ANK1: variants seen among roughly 807,000 people sequenced by gnomAD.
ANK1 encodes the protein ankyrin 1, also known as ankyrin-1.
A neutral mutation model predicts 210.4 loss-of-function variants in ANK1; 51 were observed. That is an observed-to-expected ratio of 0.24 (90% CI 0.19 to 0.31). ANK1 has a LOEUF of 0.31. ANK1 is among the 10% of genes least tolerant of loss of function. ANK1 has a pLI of 1.00. For synonymous variants in ANK1, 967 were observed against 1,025.9 expected, an observed-to-expected ratio of 0.94 and a Z score of 1.10; for missense variants, 2,051 against 2,504.4, an observed-to-expected ratio of 0.82 and a Z score of 3.86.
In ANK1 at chr8:41,672,600, G is replaced by A; in HGVS notation, c.4850C>T (p.Ser1617Phe). Residue 1617 changes from serine to phenylalanine, a missense_variant, in exon 38 of 43, where the codon TCT becomes TTT. By Grantham distance (155) the Ser-to-Phe change is radical. Transcript: ENST00000289734. ...SEEPRGPELGSLELVEDDTVD... is the reference protein window; with the variant it reads ...SEEPRGPELGFLELVEDDTVD... ...TGTGTCGTCCTCCACAAGTTCCAGAGAGCCCAACTCGGGGCCCCGCGGTTC... is the reference window on the plus strand; with the variant it reads ...TGTGTCGTCCTCCACAAGTTCCAGAAAGCCCAACTCGGGGCCCCGCGGTTC... The A allele has an allele frequency of 1.2e-6, 2 of 1,614,218 alleles. No individual in the cohort carries two copies.
At chr8:41,679,811 A>T (rs906615022) in intron 37 of ANK1, among the ~76,000 whole-genome samples, 2 of 151,164 alleles carry the variant, frequency 1.3e-5, no homozygotes, top group Non-Finnish European at 2.9e-5. Context: ...TGATCCGCCC[A>T]CCTCGGCCTC....
Position 41,691,761 on chromosome 8 carries a change from T to A in ANK1, c.3858+887A>T, listed in dbSNP as rs115231926. 2.2e-3 allele frequency among the ~76,000 whole-genome samples: 332 copies of A among 152,344 alleles called. 2 individuals carry two copies. The highest frequency in any genetic ancestry group is 0.011 in the South Asian group (55 of 4,826). ...AGCTGTGTGACCATTGGCAAGTTAC[T>A]TAACCTCTCAGCCTCAGTTTCTTAA... On this transcript the variant is annotated intron_variant, in intron 31 of 42. Transcript: ENST00000289734.
At chr8:41,718,407 C>T (rs989302146) in intron 10 of ANK1, among the ~76,000 whole-genome samples, 5 of 152,212 alleles carry the variant, frequency 3.3e-5, no homozygotes, top group African/African-American at 9.6e-5. Context: ...AGGTGGCTCT[C>T]ACTTGATGCA....
Position 41,758,053 on chromosome 8 carries a change from T to C in ANK1, c.112A>G (p.Ile38Val), listed in dbSNP as rs780584867. Reference protein sequence around the residue: ...ALDHLRNGVDINTCNQNGLNG... With the variant: ...ALDHLRNGVDVNTCNQNGLNG... ...CCACTTACCTGGTTACAGGTGTTAATATCTACCCCATTCCGCAGGTGATCC... is the reference window on the plus strand; with the variant it reads ...CCACTTACCTGGTTACAGGTGTTAACATCTACCCCATTCCGCAGGTGATCC... Residue 38 changes from isoleucine to valine, a missense_variant, in exon 2 of 43, where the codon ATT (isoleucine) becomes GTT (valine). Ile to Val is a conservative substitution (Grantham distance 29, BLOSUM62 3). Coordinates refer to ENST00000289734, the MANE Select transcript of ANK1 (RefSeq NM_000037.4). 3 of 1,614,196 alleles carry C rather than the reference T, an allele frequency of 1.9e-6. No individual in the cohort carries two copies. Among genetic ancestry groups the C allele is most frequent in the Non-Finnish European group, 2.5e-6 (3 of 1,180,018 alleles).
intron 1 of ANK1, among the ~76,000 whole-genome samples, chr8:41,827,672 A>C (rs1805625209): frequency 6.7e-6 from 1 of 150,108 alleles, no homozygotes. Context: ...CTCCACACAC[A>C]TCCCCTCATA....
intron 16 of ANK1, among the ~76,000 whole-genome samples, chr8:41,711,561 T>C (rs1228667134): frequency 2.0e-5 from 3 of 152,236 alleles, no homozygotes; most frequent in African/African-American, 7.2e-5. Context: ...CCCAGGACCC[T>C]GGTGAACAGA....
intron 1 of ANK1, among the ~76,000 whole-genome samples, chr8:41,892,311 G>A (rs1481040969): frequency 6.6e-6 from 1 of 151,974 alleles, no homozygotes; most frequent in Non-Finnish European, 1.5e-5. Flanking sequence ...CCAGGAGCAG[G>A]GCCTCCTCCT....
intron 1 of ANK1, among the ~76,000 whole-genome samples, chr8:41,864,267 A>G (rs1250083454): frequency 2.0e-5 from 3 of 149,796 alleles, no homozygotes; most frequent in African/African-American, 7.4e-5. Flanking sequence ...AAAAAAAAAA[A>G]GGGTACCATT....
intron 38 of ANK1, 29 bp downstream of exon 38, chr8:41,672,325 G>A: frequency 2.5e-6 from 4 of 1,611,130 alleles, no homozygotes; most frequent in Non-Finnish European, 3.4e-6. Flanking sequence ...AGACAAAAAG[G>A]GACCCTGCTC....
At chr8:41,826,135 C>G (rs1444690496) in intron 1 of ANK1, among the ~76,000 whole-genome samples, 1 of 152,146 alleles carries the variant, frequency 6.6e-6, no homozygotes, top group Admixed American at 6.5e-5. Context: ...AGCATCCAAT[C>G]CTATAGAGGG....
chr8:41,655,535 G>A lies in ANK1; in HGVS notation c.*255C>T. 1.5e-6 allele frequency: 1 copy of A among 658,826 alleles called. No homozygotes were observed. Among genetic ancestry groups the A allele is most frequent in the Non-Finnish European group, 2.7e-6 (1 of 376,788 alleles). 40.8% of individuals were successfully genotyped at this position (658,826 alleles called of 1,614,324 possible). On this transcript the variant is annotated 3_prime_UTR_variant, in exon 43 of 43. Coordinates refer to ENST00000289734, the MANE Select transcript of ANK1 (RefSeq NM_000037.4). ...CTGCTTTTGTGTCCTGGTTCCGACA[G>A]ATCAGCTGTCATTGCAAGAGGCAGG...
chr8:41,663,959 C>T lies in ANK1; in HGVS notation c.5395-217G>A, dbSNP rs373926930. ...TCTGGGAGGCCTGAAGACGAACGGT[C>T]GAGCTCACAATTGTGCACTTGGCCC... is the stretch of plus-strand genomic sequence containing the variant. On this transcript the variant is annotated intron_variant, in intron 39 of 42. Transcript: ENST00000289734. 5.3e-4 allele frequency: 344 copies of T among 644,318 alleles called. 2 individuals carry two copies. Among genetic ancestry groups the T allele is most frequent in the African/African-American group, 2.5e-3 (141 of 55,862 alleles). The allele number at this position is 644,318 out of a possible 1,614,324, so 39.9% of individuals were successfully genotyped here. A position where few individuals can be genotyped will look rare whatever the true frequency, so the allele number is the denominator to read the frequency against.
rs796547905 is a variant in ANK1 at position 41,695,779 on chromosome 8, G to A, written c.2961-448C>T. On this transcript the variant is annotated intron_variant, in intron 26 of 42. Transcript: ENST00000289734. ...GGTGACCGCTCTGAGGGGCCAGGAG[G>A]GCGGACAGAGGTAGAAGGCAGGGCC... Among the ~76,000 whole-genome samples, 8 of 152,378 alleles carry A rather than the reference G, an allele frequency of 5.3e-5. No homozygotes were observed. The South Asian group carries it at 1.7e-3, about 32-fold the overall frequency.
chr8:41,688,598 G>A lies in ANK1; in HGVS notation c.4105-9C>T. ...TCTTCGGCTCCACTTCCCTGCAGAA[G>A]AAGAAAGGGTGCTTTGGGTTTTGGA... On this transcript the variant is annotated splice_polypyrimidine_tract_variant and intron_variant, in intron 33 of 42. Transcript: ENST00000289734. The A allele has an allele frequency of 6.2e-7, 1 of 1,613,940 alleles. No homozygotes were observed. The highest frequency in any genetic ancestry group is 8.5e-7 in the Non-Finnish European group (1 of 1,179,792).
chr8:41,673,901 G>T (rs1407262030), intron 37 of ANK1, among the ~76,000 whole-genome samples: 2 of 152,208 alleles, frequency 1.3e-5, no homozygotes, highest in Admixed American at 6.5e-5. Context: ...AAAGCCCACA[G>T]AGCTGAAGGG....
At position 41,777,436 on chromosome 8, in the gene ANK1, G is replaced by T. The variant is rs530375592; in HGVS notation, c.28-19299C>A. On this transcript the variant is annotated intron_variant, in intron 1 of 42. Transcript: ENST00000289734. ...CTAAAAATACAAAAATTAGCCAGGC[G>T]TGGTGGCGTGCACCTATAATCCCAC... 4.6e-5 allele frequency among the ~76,000 whole-genome samples: 7 copies of T among 152,178 alleles called. No homozygotes were observed. In the East Asian group the frequency reaches 7.7e-4, roughly 17 times the overall value.
chr8:41,663,138 G>A (rs1403235135), intron 40 of ANK1, among the ~76,000 whole-genome samples: 1 of 151,740 alleles, frequency 6.6e-6, no homozygotes, highest in Non-Finnish European at 1.5e-5. Flanking sequence ...GTGTGTGTGT[G>A]TGTATTTATT....
chr8:41,808,472 C>A (rs1055753477), intron 1 of ANK1, among the ~76,000 whole-genome samples: 1 of 152,018 alleles, frequency 6.6e-6, no homozygotes, highest in Non-Finnish European at 1.5e-5. Flanking sequence ...CGAGACCAGC[C>A]TGACCAACAT....
At chr8:41,835,024 T>A (rs1391612730) in intron 1 of ANK1, among the ~76,000 whole-genome samples, 1 of 152,262 alleles carries the variant, frequency 6.6e-6, no homozygotes, top group Non-Finnish European at 1.5e-5. Flanking sequence ...TCACGAGGCT[T>A]CCCTACAACT....
Sources: allele counts gnomAD v4.1 joint callset (sites outside exome capture counted in the v4.1 genomes callset), GRCh38; gene constraint gnomAD v4.1.1; transcripts MANE v1.5; gene names NCBI Gene and HGNC (gene_info 2026-07-23, HGNC 2026-07-21).